Variants in KATNAL1 observed in about 807,000 individuals in gnomAD.
KATNAL1 encodes the protein katanin catalytic subunit A1 like 1, also known as katanin p60 ATPase-containing subunit A-like 1.
A neutral mutation model predicts 55.2 loss-of-function variants in KATNAL1; 32 were observed. The observed-to-expected ratio is 0.58, with a 90% CI of 0.44 to 0.78. The LOEUF is 0.78. Ranked by LOEUF, KATNAL1 falls within the 30% of genes least tolerant of loss-of-function variation. KATNAL1 has a pLI of 0.00. For synonymous variants in KATNAL1, 193 were observed against 193.6 expected, an observed-to-expected ratio of 1.00 and a Z score of 0.02; for missense variants, 466 against 600.9, an observed-to-expected ratio of 0.78 and a Z score of 2.35.
intron 4 of KATNAL1, among the ~76,000 whole-genome samples, chr13:30,253,724 C>T (rs1878547451): frequency 6.7e-6 from 1 of 149,722 alleles, no homozygotes; most frequent in Admixed American, 6.7e-5. Flanking sequence ...TTATTTTGTT[C>T]TTTGCTTAAG....
At chr13:30,253,970 T>C (rs1324261788) in intron 4 of KATNAL1, among the ~76,000 whole-genome samples, 1 of 152,212 alleles carries the variant, frequency 6.6e-6, no homozygotes, top group Non-Finnish European at 1.5e-5. Context: ...AAAGTCGGGA[T>C]AGTAAGACAC....
chr13:30,239,305 G>T (rs189915779), intron 6 of KATNAL1, among the ~76,000 whole-genome samples: 10 of 152,260 alleles, frequency 6.6e-5, no homozygotes, highest in Admixed American at 1.3e-4. Context: ...AGCTACTCAG[G>T]AGGCTGAGGC....
At chr13:30,262,535 A>G (rs1199320653) in intron 3 of KATNAL1, among the ~76,000 whole-genome samples, 2 of 152,316 alleles carry the variant, frequency 1.3e-5, no homozygotes, top group South Asian at 2.1e-4. Flanking sequence ...GGTAAAGGGG[A>G]TATCACCACC....
intron 9 of KATNAL1, among the ~76,000 whole-genome samples, chr13:30,226,341 T>C (rs1345509655): frequency 1.3e-5 from 2 of 152,214 alleles, no homozygotes; most frequent in East Asian, 3.8e-4. Context: ...TACAGCTTTA[T>C]TCATAATAGC....
chr13:30,251,569 T>C (rs921098659), intron 4 of KATNAL1, among the ~76,000 whole-genome samples: 1 of 152,184 alleles, frequency 6.6e-6, no homozygotes, highest in Non-Finnish European at 1.5e-5. Flanking sequence ...CCTCAGCAGA[T>C]ACCAAATCTG....
intron 1 of KATNAL1, among the ~76,000 whole-genome samples, chr13:30,305,467 AG>A (rs2137580560): frequency 6.6e-6 from 1 of 152,362 alleles, no homozygotes; most frequent in African/African-American, 2.4e-5. Context: ...AGACAGAGTC[AG>A]GATCTTTCTA....
At chr13:30,214,706 A>G (rs1246107148) in intron 9 of KATNAL1, among the ~76,000 whole-genome samples, 1 of 152,048 alleles carries the variant, frequency 6.6e-6, no homozygotes, top group Admixed American at 6.5e-5. Flanking sequence ...GTGCTGGGAA[A>G]ACTTGCTAGC....
At chr13:30,303,292 A>G (rs1053567916) in intron 1 of KATNAL1, among the ~76,000 whole-genome samples, 1 of 152,248 alleles carries the variant, frequency 6.6e-6, no homozygotes, top group African/African-American at 2.4e-5. Context: ...CTCACAATCT[A>G]TGCCTTGAAT....
In KATNAL1 at chr13:30,250,049, A is replaced by G. The variant is rs552521674; in HGVS notation, c.492+5398T>C. Among the ~76,000 whole-genome samples the G allele has an allele frequency of 4.9e-4, 74 of 152,332 alleles. 1 individual carries two copies. The South Asian group carries it at 0.015, about 32-fold the overall frequency. Reference sequence around the variant, plus strand: ...ATCTTGAGGTTCCATAGTTTATTGTATCTCTATGGTGGAAACACCATAGAA... The same window carrying G: ...ATCTTGAGGTTCCATAGTTTATTGTGTCTCTATGGTGGAAACACCATAGAA... On this transcript the variant is annotated intron_variant, in intron 4 of 10. Transcript: ENST00000380615.
chr13:30,271,878 G>GAAA (rs71299873), intron 3 of KATNAL1, among the ~76,000 whole-genome samples: 919 of 76,662 alleles, frequency 0.012, 22 homozygotes, highest in Non-Finnish European at 0.017. Flanking sequence ...AAGAAAAGAG[G>GAAA]AAAAAAAAAA....
chr13:30,261,340 A>G (rs922036015), intron 3 of KATNAL1, among the ~76,000 whole-genome samples: 1 of 152,100 alleles, frequency 6.6e-6, no homozygotes, highest in Non-Finnish European at 1.5e-5. Context: ...CTAACATCAT[A>G]ATGACAGGAT....
At chr13:30,232,740 T>A (rs1876230916) in intron 6 of KATNAL1, among the ~76,000 whole-genome samples, 1 of 152,138 alleles carries the variant, frequency 6.6e-6, no homozygotes, top group Non-Finnish European at 1.5e-5. Context: ...CCTCATGACA[T>A]TACTCCTTTA....
intron 7 of KATNAL1, 81 bp downstream of exon 7, chr13:30,231,233 T>C (rs1055723361): frequency 1.8e-5 from 20 of 1,132,224 alleles, no homozygotes; most frequent in African/African-American, 7.9e-5. Flanking sequence ...TCAAAAAAGA[T>C]TCCAGGTGGA....
intron 8 of KATNAL1, among the ~76,000 whole-genome samples, chr13:30,229,713 G>T (rs1441985584): frequency 4.6e-5 from 7 of 150,620 alleles, no homozygotes; most frequent in African/African-American, 1.7e-4. Flanking sequence ...GCAAGACTCT[G>T]AACCTTAAAC....
At chr13:30,253,377 T>C (rs1393425719) in intron 4 of KATNAL1, among the ~76,000 whole-genome samples, 1 of 152,014 alleles carries the variant, frequency 6.6e-6, no homozygotes, top group African/African-American at 2.4e-5. Flanking sequence ...TACATGTCAA[T>C]GAAAGAATAA....
intron 9 of KATNAL1, among the ~76,000 whole-genome samples, chr13:30,214,917 A>C (rs185910801): frequency 0.078 from 11,897 of 151,918 alleles, 498 homozygotes; most frequent in Admixed American, 0.088. Context: ...GACAAAATTG[A>C]CAAATGGGAT....
intron 1 of KATNAL1, chr13:30,296,218 CT>C: frequency 1.1e-6 from 1 of 888,580 alleles, no homozygotes; most frequent in Non-Finnish European, 1.7e-6. Flanking sequence ...TGGATGGCGC[CT>C]TCAAAGAGGT....
intron 4 of KATNAL1, 152 bp from the exon 5 acceptor site, chr13:30,241,238 CTATT>C (rs1210794741): frequency 5.7e-6 from 4 of 700,756 alleles, no homozygotes; most frequent in South Asian, 2.0e-5. Context: ...CCATTCTCCT[CTATT>C]TAATTCATCA....
At chr13:30,251,348 T>C (rs550808454) in intron 4 of KATNAL1, among the ~76,000 whole-genome samples, 43 of 152,334 alleles carry the variant, frequency 2.8e-4, no homozygotes, top group African/African-American at 9.6e-4. Flanking sequence ...TGCTATGGTC[T>C]AAATGTTTGT....
Sources: allele counts gnomAD v4.1 joint callset (sites outside exome capture counted in the v4.1 genomes callset), GRCh38; gene constraint gnomAD v4.1.1; transcripts MANE v1.5; gene names NCBI Gene and HGNC (gene_info 2026-07-23, HGNC 2026-07-21).